MAGEC3: variants seen among roughly 807,000 people sequenced by gnomAD.
MAGEC3 encodes the protein melanoma-associated antigen C3.
A neutral mutation model predicts 35.3 loss-of-function variants in MAGEC3; 34 were observed. The ratio of observed to expected loss-of-function variants is 0.96; its 90% CI spans 0.73 to 1.28. MAGEC3 has a LOEUF of 1.28. Ranked by LOEUF, MAGEC3 falls within the 50% of genes most tolerant of loss-of-function variation. The probability of loss-of-function intolerance (pLI) is 0.00; values close to 1 mark genes in which losing one functional copy is unlikely to be tolerated. For missense variants in MAGEC3, 561 were observed against 483.6 expected (o/e 1.16, Z -1.50); for synonymous variants, 202 against 185.6 (o/e 1.09, Z -0.72).
Position 141,897,402 on chromosome X carries a change from C to T in MAGEC3, c.1644C>T (p.Leu548=), listed in dbSNP as rs780948514. 4.1e-6 allele frequency: 5 copies of T among 1,211,716 alleles called. No homozygotes were observed. The East Asian group carries it at 1.5e-4, about 36-fold the overall frequency. Residue 548 remains leucine, a synonymous_variant, in exon 7 of 8, where the codon CTC becomes CTT. Coordinates refer to ENST00000298296, the MANE Select transcript of MAGEC3 (RefSeq NM_138702.1). ...IDDQGMPKNC[L]LILILSMIFI... is the part of the protein sequence containing the mutation. Reference sequence around the variant, plus strand: ...ACCAGGGCATGCCCAAGAACTGTCTCCTGATTCTTATTCTCAGTATGATCT... The same window carrying T: ...ACCAGGGCATGCCCAAGAACTGTCTTCTGATTCTTATTCTCAGTATGATCT...
chrX:141,841,934 C>T (rs1253378620), intron 1 of MAGEC3, among the ~76,000 whole-genome samples: 3 of 111,497 alleles, frequency 2.7e-5, no homozygotes, highest in Non-Finnish European at 3.8e-5. Flanking sequence ...AGATCTTAAC[C>T]GAACTGTGTG....
chrX:141,896,607 C>T, intron 6 of MAGEC3: 1 of 1,193,684 alleles, frequency 8.4e-7, no homozygotes, highest in Non-Finnish European at 1.1e-6. Context: ...CCATCATCCC[C>T]ATCCCTGCTC....
At chrX:141,869,129 C>A (rs1214425778) in intron 2 of MAGEC3, among the ~76,000 whole-genome samples, 1 of 110,685 alleles carries the variant, frequency 9.0e-6, no homozygotes, top group African/African-American at 3.3e-5. Context: ...CGTAATCCAC[C>A]TGCCTCGGTC....
At chrX:141,863,881 A>G (rs1375898820) in intron 1 of MAGEC3, among the ~76,000 whole-genome samples, 1 of 111,632 alleles carries the variant, frequency 9.0e-6, no homozygotes. Context: ...GAAAAAATAT[A>G]TAGCACTCGT....
At chrX:141,839,587 C>G in intron 1 of MAGEC3, 1 of 754,341 alleles carries the variant, frequency 1.3e-6, no homozygotes, top group Non-Finnish European at 1.6e-6. Flanking sequence ...CCCACAGCTG[C>G]AATCCCAAGC....
chrX:141,846,438 C>T (rs184460396), intron 1 of MAGEC3, among the ~76,000 whole-genome samples: 1 of 109,566 alleles, frequency 9.1e-6, no homozygotes, highest in East Asian at 2.9e-4. Flanking sequence ...ACTGAGACTC[C>T]CACCTTTTCT....
intron 1 of MAGEC3, among the ~76,000 whole-genome samples, chrX:141,847,325 C>T (rs1311683242): frequency 9.0e-6 from 1 of 110,849 alleles, no homozygotes; most frequent in Non-Finnish European, 1.9e-5. Context: ...AGATTTACCT[C>T]ATTCAATTCA....
intron 1 of MAGEC3, among the ~76,000 whole-genome samples, chrX:141,840,299 G>C (rs980265470): frequency 3.3e-4 from 37 of 111,850 alleles, no homozygotes; most frequent in African/African-American, 1.2e-3. Flanking sequence ...TTAGTTTTTA[G>C]CTTGCAATCT....
chrX:141,852,953 A>G (rs2017759856), intron 1 of MAGEC3, among the ~76,000 whole-genome samples: 3 of 111,474 alleles, frequency 2.7e-5, no homozygotes, highest in Admixed American at 1.9e-4. Flanking sequence ...ATCTGTTTCT[A>G]CTTTACAAAC....
chrX:141,843,683 T>C (rs182376973), intron 1 of MAGEC3, among the ~76,000 whole-genome samples: 139 of 111,139 alleles, frequency 1.3e-3, no homozygotes, highest in Middle Eastern at 4.6e-3. Context: ...TTTAGATGAT[T>C]GCCAGCATAA....
At chrX:141,862,611 A>G (rs2017822162) in intron 1 of MAGEC3, among the ~76,000 whole-genome samples, 1 of 112,581 alleles carries the variant, frequency 8.9e-6, no homozygotes, top group Non-Finnish European at 1.9e-5. Flanking sequence ...CATGAAAAGA[A>G]AGAAGTTTTA....
chrX:141,895,083 GA>G (rs1436601576), intron 4 of MAGEC3, among the ~76,000 whole-genome samples, 185 bp from the exon 5 acceptor site: 1 of 83,447 alleles, frequency 1.2e-5, no homozygotes, highest in African/African-American at 4.7e-5. Context: ...TTAAGGAGAG[GA>G]AGGGGTCAGG....
In MAGEC3 at chrX:141,897,356, A is replaced by G. The variant is rs199889482; in HGVS notation, c.1598A>G (p.Tyr533Cys). The G allele has an allele frequency of 1.5e-4, 187 of 1,210,213 alleles. 1 individual carries two copies. In the East Asian group the frequency reaches 4.3e-3, roughly 28 times the overall value. The change falls in exon 7 of 8, where the codon TAT becomes TGT. Residue 533 changes from tyrosine to cysteine, a missense_variant. Coordinates refer to ENST00000298296, the MANE Select transcript of MAGEC3 (RefSeq NM_138702.1). Reference protein sequence around the residue: ...YFFEDTLDLTYEGSLIDDQGM... With the variant: ...YFFEDTLDLTCEGSLIDDQGM... Reference sequence around the variant, plus strand: ...TTTGAAGACACATTAGACCTCACCTATGAGGGAAGCCTGATTGATGACCAG... The same window carrying G: ...TTTGAAGACACATTAGACCTCACCTGTGAGGGAAGCCTGATTGATGACCAG...
chrX:141,885,589 G>C (rs753875923), intron 4 of MAGEC3, among the ~76,000 whole-genome samples: 2 of 105,141 alleles, frequency 1.9e-5, no homozygotes, highest in East Asian at 6.0e-4. Flanking sequence ...GCTTGAACCC[G>C]GGAGGCAGAG....
chrX:141,841,987 C>T (rs1054492593), intron 1 of MAGEC3, among the ~76,000 whole-genome samples: 10 of 110,910 alleles, frequency 9.0e-5, no homozygotes, highest in Non-Finnish European at 1.5e-4. Context: ...TTTTGGGCCA[C>T]GAAAATGCCT....
chrX:141,868,999 A>T (rs1326618745), intron 2 of MAGEC3, among the ~76,000 whole-genome samples: 1 of 109,068 alleles, frequency 9.2e-6, no homozygotes, highest in African/African-American at 3.3e-5. Context: ...CTCCTGCCTC[A>T]GCCTCCCGAG....
At chrX:141,889,768 C>T (rs981352936) in intron 4 of MAGEC3, among the ~76,000 whole-genome samples, 1 of 111,766 alleles carries the variant, frequency 8.9e-6, no homozygotes, top group African/African-American at 3.3e-5. Context: ...GTTCACTCCA[C>T]CAGGAAAAAA....
chrX:141,887,033 C>T (rs966897471), intron 4 of MAGEC3, among the ~76,000 whole-genome samples: 4 of 111,749 alleles, frequency 3.6e-5, no homozygotes, highest in African/African-American at 1.3e-4. Context: ...CGTAAGCTTA[C>T]CCAAGTGGTG....
At chrX:141,838,526 C>T (rs1051930481) in intron 1 of MAGEC3, 88 bp downstream of exon 1, 11 of 1,129,140 alleles carry the variant, frequency 9.7e-6, no homozygotes, top group Non-Finnish European at 5.9e-6. Context: ...TGCTTGGCTC[C>T]AAGACAGTGT....
Sources: allele counts gnomAD v4.1 joint callset (sites outside exome capture counted in the v4.1 genomes callset), GRCh38; gene constraint gnomAD v4.1.1; transcripts MANE v1.5; gene names NCBI Gene and HGNC (gene_info 2026-07-23, HGNC 2026-07-21).